RCBTB2: variants seen among roughly 807,000 people sequenced by gnomAD.
RCBTB2 encodes the protein RCC1 and BTB domain containing protein 2.
In RCBTB2, 55 loss-of-function variants were observed where a neutral mutation model predicts 65.4. The ratio of observed to expected loss-of-function variants is 0.84; its 90% CI spans 0.68 to 1.05. The LOEUF (loss-of-function observed/expected upper bound fraction) is 1.05, where lower values mean the gene tolerates loss of function less well. Ranked by LOEUF, RCBTB2 falls within the 50% of genes least tolerant of loss-of-function variation. RCBTB2 has a pLI of 0.00. For missense variants in RCBTB2, 599 were observed against 680.1 expected (o/e 0.88, Z 1.33); for synonymous variants, 220 against 255.2 (o/e 0.86, Z 1.31).
At chr13:48,532,786 G>C (rs1263353628) in intron 1 of RCBTB2, 6 of 315,122 alleles carry the variant, frequency 1.9e-5, no homozygotes, top group Non-Finnish European at 3.8e-5. Flanking sequence ...CCTGCGGCCT[G>C]GGCTGGGTGT....
At chr13:48,519,060 G>A (rs752432426) in intron 4 of RCBTB2, among the ~76,000 whole-genome samples, 6 of 152,058 alleles carry the variant, frequency 3.9e-5, no homozygotes, top group Non-Finnish European at 8.8e-5. Context: ...TGTTACCTAT[G>A]AGGAAACTGG....
chr13:48,509,593 G>A (rs796139091), intron 10 of RCBTB2, among the ~76,000 whole-genome samples: 246 of 152,216 alleles, frequency 1.6e-3, no homozygotes, highest in African/African-American at 5.6e-3. Context: ...TTCTGAAGGG[G>A]CCAGGGGTCT....
chr13:48,521,826 C>T, intron 4 of RCBTB2, 72 bp downstream of exon 4: 1 of 1,412,348 alleles, frequency 7.1e-7, no homozygotes, highest in Admixed American at 1.7e-5. Context: ...TATCGGTGAC[C>T]AATAGGTGCT....
rs116483946 is a variant in RCBTB2, at chr13:48,531,707, T to C, written c.-219+1321A>G. 9.9e-3 allele frequency among the ~76,000 whole-genome samples: 1,510 copies of C among 152,328 alleles called. 35 individuals are homozygous for C. The highest frequency in any genetic ancestry group is 0.034 in the African/African-American group (1,432 of 41,558). ...GCTGCTTAATAACACGCATGTACTG[T>C]CTAGCAGGAAATAAAGAGATTACGT... On this transcript the variant is annotated intron_variant, in intron 1 of 14. Transcript: ENST00000344532.
At chr13:48,514,668 C>T (rs1414883297) in intron 6 of RCBTB2, among the ~76,000 whole-genome samples, 3 of 152,190 alleles carry the variant, frequency 2.0e-5, no homozygotes, top group Non-Finnish European at 4.4e-5. Flanking sequence ...TTTCTTGGAC[C>T]GTTCAGTCTT....
In RCBTB2 at chr13:48,490,000, G is replaced by T; in HGVS notation, c.*111C>A. On this transcript the variant is annotated 3_prime_UTR_variant, in exon 15 of 15. Coordinates refer to ENST00000344532, the MANE Select transcript of RCBTB2 (RefSeq NM_001268.4). ...ACCATCCTTCTTCTGACAGTTACAA[G>T]TACTCAGCCAAACATAGCTCATCAT... The T allele has an allele frequency of 2.5e-6, 3 of 1,189,036 alleles. No homozygotes were observed. Among genetic ancestry groups the T allele is most frequent in the South Asian group, 1.3e-5 (1 of 78,788 alleles). The allele number at this position is 1,189,036 out of a possible 1,614,324, so 73.7% of individuals were successfully genotyped here. A position where few individuals can be genotyped will look rare whatever the true frequency, so the allele number is the denominator to read the frequency against.
chr13:48,521,870 T>C (rs368358334), intron 4 of RCBTB2, 28 bp downstream of exon 4: 1 of 1,608,894 alleles, frequency 6.2e-7, no homozygotes, highest in Non-Finnish European at 8.5e-7. Flanking sequence ...AGAACACACA[T>C]GCTCCAAGGG....
chr13:48,510,320 A>G (rs1183564352), intron 10 of RCBTB2, among the ~76,000 whole-genome samples: 2 of 152,176 alleles, frequency 1.3e-5, no homozygotes, highest in East Asian at 3.8e-4. Flanking sequence ...CAGGAAAAGG[A>G]GGAGGGCAAA....
intron 14 of RCBTB2, among the ~76,000 whole-genome samples, chr13:48,493,309 A>ACTCTCTCT (rs1429120157): frequency 2.6e-3 from 123 of 47,886 alleles, no homozygotes; most frequent in Admixed American, 0.011. Flanking sequence ...ACACACACAC[A>ACTCTCTCT]CACACACTCT....
chr13:48,494,210 A>T (rs1439003899), intron 14 of RCBTB2, among the ~76,000 whole-genome samples: 1 of 152,234 alleles, frequency 6.6e-6, no homozygotes, highest in East Asian at 1.9e-4. Flanking sequence ...TCCCTGGCTC[A>T]TATTAATTAT....
intron 2 of RCBTB2, among the ~76,000 whole-genome samples, chr13:48,524,218 TG>T (rs1238634875): frequency 6.6e-6 from 1 of 152,220 alleles, no homozygotes; most frequent in Non-Finnish European, 1.5e-5. Context: ...TACCTTACCC[TG>T]TTATCCATGT....
chr13:48,495,677 T>C (rs1043458037), intron 14 of RCBTB2, among the ~76,000 whole-genome samples: 3 of 152,364 alleles, frequency 2.0e-5, no homozygotes, highest in Admixed American at 6.5e-5. Flanking sequence ...ATTTGTACTC[T>C]CATCAGCAGT....
rs571525623 is a variant in RCBTB2, at chr13:48,521,123, T to C, written c.42+775A>G. On this transcript the variant is annotated intron_variant, in intron 4 of 14. Transcript: ENST00000344532. ...TTAGGAATTTTTCTGTTAACATTTT[T>C]GTAGGACTCTCGAGTTCTATACATT... is the stretch of plus-strand genomic sequence containing the variant. 2.2e-4 allele frequency among the ~76,000 whole-genome samples: 34 copies of C among 152,330 alleles called. 2 individuals carry two copies. Among genetic ancestry groups the C allele is most frequent in the African/African-American group, 8.2e-4 (34 of 41,576 alleles).
In RCBTB2 at chr13:48,521,946, TCAG is replaced by T; in HGVS notation, c.-10_-8del. 1 of 1,613,768 alleles carries T rather than the reference TCAG, an allele frequency of 6.2e-7. No homozygotes were observed. The highest frequency in any genetic ancestry group is 8.5e-7 in the Non-Finnish European group (1 of 1,179,818). On this transcript the variant is annotated 5_prime_UTR_variant, in exon 4 of 15. Transcript: ENST00000344532. ...GAGGAAGTTCTTCTTCCATATGGACTCAGTCCTGGGCAGTCCCTGAGGAAAAAG... is the reference window on the plus strand; with the variant it reads ...GAGGAAGTTCTTCTTCCATATGGACTTCCTGGGCAGTCCCTGAGGAAAAAG...
rs1949919532 is a variant in RCBTB2, at chr13:48,495,287, C to T, written c.1515+904G>A. ...GAAGAAAATAAAAATCACCCACAATCCCACCATTCAATGATAACCACTAAG... is the reference window on the plus strand; with the variant it reads ...GAAGAAAATAAAAATCACCCACAATTCCACCATTCAATGATAACCACTAAG... On this transcript the variant is annotated intron_variant, in intron 14 of 14. Transcript: ENST00000344532. Among the ~76,000 whole-genome samples, 5 of 152,170 alleles carry T rather than the reference C, an allele frequency of 3.3e-5. 1 individual carries two copies. The South Asian group carries it at 1.0e-3, about 32-fold the overall frequency.
chr13:48,495,009 T>G (rs1254023687), intron 14 of RCBTB2, among the ~76,000 whole-genome samples: 1 of 152,218 alleles, frequency 6.6e-6, no homozygotes, highest in Non-Finnish European at 1.5e-5. Context: ...TCACTTTTTG[T>G]CTTTTACAAA....
At chr13:48,523,224 A>C (rs897005991) in intron 2 of RCBTB2, among the ~76,000 whole-genome samples, 7 of 152,298 alleles carry the variant, frequency 4.6e-5, no homozygotes, top group African/African-American at 1.7e-4. Context: ...TTAAAATCCT[A>C]ATTTTCTCTA....
upstream of RCBTB2, chr13:48,533,083 G>A (rs765683315): frequency 4.4e-6 from 2 of 452,718 alleles, no homozygotes; most frequent in Admixed American, 2.4e-5. Context: ...GTTACTGCAC[G>A]GTCAGGGGCC....
chr13:48,493,315 A>ACACACACACACACACACACACTCT (rs759504798), intron 14 of RCBTB2, among the ~76,000 whole-genome samples: 2 of 75,028 alleles, frequency 2.7e-5, no homozygotes, highest in African/African-American at 1.2e-4. Context: ...ACACACACAC[A>ACACACACACACACACACACACTCT]CTCTCTCTCT....
Sources: allele counts gnomAD v4.1 joint callset (sites outside exome capture counted in the v4.1 genomes callset), GRCh38; gene constraint gnomAD v4.1.1; transcripts MANE v1.5; gene names NCBI Gene and HGNC (gene_info 2026-07-23, HGNC 2026-07-21).